SLC18B1: variants seen among roughly 807,000 people sequenced by gnomAD.
SLC18B1 encodes solute carrier family 18 member B1, also known as MFS-type transporter SLC18B1.
Under a neutral mutation model 53.9 loss-of-function variants are expected in SLC18B1, and 62 were observed. The observed-to-expected ratio is 1.15, with a 90% CI of 0.94 to 1.42. The LOEUF is 1.42. SLC18B1 is among the 40% of genes most tolerant of loss of function. SLC18B1 has a pLI of 0.00. For synonymous variants in SLC18B1, 217 were observed against 200.9 expected (o/e 1.08, Z -0.68); for missense variants, 598 against 547.3 (o/e 1.09, Z -0.93).
chr6:132,792,232 A>AAAGAAAGAAAGGAAGAAAGG, intron 2 of SLC18B1, among the ~76,000 whole-genome samples: 2 of 2,184 alleles, frequency 9.2e-4, no homozygotes, highest in African/African-American at 5.0e-3. Context: ...TGTCAGAAAG[A>AAAGAAAGAAAGGAAGAAAGG]AAGAAAGAAA....
intron 2 of SLC18B1, among the ~76,000 whole-genome samples, chr6:132,793,675 G>A (rs1336515179): frequency 6.6e-6 from 1 of 152,118 alleles, no homozygotes; most frequent in Non-Finnish European, 1.5e-5. Flanking sequence ...ACATCTAACA[G>A]GGTTGTGATT....
At position 132,798,548 on chromosome 6, in the gene SLC18B1, G is replaced by T; in HGVS notation, c.-92C>A. On this transcript the variant is annotated 5_prime_UTR_variant, in exon 1 of 14. Coordinates refer to ENST00000275227, the MANE Select transcript of SLC18B1 (RefSeq NM_052831.3). ...AGGAGCCACTGGCACTCTGGCGGGC[G>T]GCCGCTGCTCAGCTGGAACCTGGCA... The T allele has an allele frequency of 7.6e-7, 1 of 1,312,996 alleles. No homozygotes were observed. The highest frequency in any genetic ancestry group is 1.5e-5 in the African/African-American group (1 of 65,524). 81.3% of individuals were successfully genotyped at this position (1,312,996 alleles called of 1,614,324 possible).
chr6:132,798,491 G>A lies in SLC18B1; in HGVS notation c.-35C>T. 2 of 1,469,336 alleles carry A rather than the reference G, an allele frequency of 1.4e-6. No homozygotes were observed. Among genetic ancestry groups the A allele is most frequent in the Non-Finnish European group, 9.0e-7 (1 of 1,105,658 alleles). 91.0% of individuals were successfully genotyped at this position (1,469,336 alleles called of 1,614,324 possible). A position where few individuals can be genotyped will look rare whatever the true frequency, so the allele number is the denominator to read the frequency against. ...GTGGACTCCGGCGCCCCAGCTCCCG[G>A]CTTCAAGCCACGTCCTTGGACTCGA... On this transcript the variant is annotated 5_prime_UTR_variant, in exon 1 of 14. Transcript: ENST00000275227.
chr6:132,771,496 G>A (rs1410016682), intron 11 of SLC18B1, among the ~76,000 whole-genome samples: 1 of 150,802 alleles, frequency 6.6e-6, no homozygotes, highest in Non-Finnish European at 1.5e-5. Context: ...TCTGGTAGAA[G>A]GTAAAAAATA....
At chr6:132,773,291 T>TG (rs140532276) in intron 9 of SLC18B1, among the ~76,000 whole-genome samples, 17 of 27,270 alleles carry the variant, frequency 6.2e-4, no homozygotes, top group East Asian at 1.8e-3. Context: ...GGCGGGGGGG[T>TG]GGGGGGGAAT....
rs999471128 is a variant in SLC18B1, at chr6:132,771,055, C to G, written c.1235G>C (p.Gly412Ala). 9 of 1,613,990 alleles carry G rather than the reference C, an allele frequency of 5.6e-6. No homozygotes were observed. The African/African-American group carries it at 6.7e-5, about 12-fold the overall frequency. ...IGFEWAAAIQ[G>A]LWALISGLAM... ...ACTCACACTTATCAGAGCCCATAGA[C>G]CTTGTATAGCTGCTGCCCATTCAAA... Residue 412 changes from glycine (G) to alanine (A), a missense_variant, in exon 12 of 14, where the codon GGT becomes GCT. Coordinates refer to ENST00000275227, the MANE Select transcript of SLC18B1 (RefSeq NM_052831.3).
At chr6:132,783,159 T>A (rs1218541281) in intron 6 of SLC18B1, among the ~76,000 whole-genome samples, 2 of 151,704 alleles carry the variant, frequency 1.3e-5, no homozygotes, top group Admixed American at 1.3e-4. Flanking sequence ...TCCTAGAGAT[T>A]TTTTTTTAAA....
At chr6:132,787,014 G>A (rs1455350761) in intron 5 of SLC18B1, among the ~76,000 whole-genome samples, 1 of 152,166 alleles carries the variant, frequency 6.6e-6, no homozygotes, top group Non-Finnish European at 1.5e-5. Context: ...GCATAAATCT[G>A]GGGAAAGTGG....
At position 132,789,792 on chromosome 6, in the gene SLC18B1, CA is replaced by C; in HGVS notation, c.324del (p.Phe108LeufsTer28). ...GAKFMFVAGM[F>X]VSGGVTILFG... Reference sequence around the variant, plus strand: ...AAGAGAATTGTAACTCCTCCTGAGACAAACATTCCTGCTACAAACATAAATT... The same window carrying C: ...AAGAGAATTGTAACTCCTCCTGAGACAACATTCCTGCTACAAACATAAATT... On this transcript the variant is annotated frameshift_variant, in exon 4 of 14. Transcript: ENST00000275227. LOFTEE classifies it high-confidence loss of function. 1 of 1,613,480 alleles carries C rather than the reference CA, an allele frequency of 6.2e-7. No individual in the cohort carries two copies. The highest frequency in any genetic ancestry group is 8.5e-7 in the Non-Finnish European group (1 of 1,179,516).
At chr6:132,793,588 C>T (rs981869627) in intron 2 of SLC18B1, among the ~76,000 whole-genome samples, 2 of 152,184 alleles carry the variant, frequency 1.3e-5, no homozygotes, top group Non-Finnish European at 2.9e-5. Flanking sequence ...CACATGGTCC[C>T]CCACATCTCT....
chr6:132,798,574 TC>T lies in SLC18B1; in HGVS notation c.-119del. 9.6e-7 allele frequency: 1 copy of T among 1,038,504 alleles called. No individual in the cohort carries two copies. The highest frequency in any genetic ancestry group is 1.3e-6 in the Non-Finnish European group (1 of 777,864). The allele number at this position is 1,038,504 out of a possible 1,614,324, so 64.3% of individuals were successfully genotyped here. ...GCCGCTGCTCAGCTGGAACCTGGCATCCCCGACTCCCTGCAGGCAGCGATCC... is the reference window on the plus strand; with the variant it reads ...GCCGCTGCTCAGCTGGAACCTGGCATCCCGACTCCCTGCAGGCAGCGATCC... On this transcript the variant is annotated 5_prime_UTR_variant, in exon 1 of 14. Transcript: ENST00000275227.
chr6:132,776,167 T>C (rs1039624095), intron 8 of SLC18B1, among the ~76,000 whole-genome samples, 161 bp downstream of exon 8: 4 of 152,200 alleles, frequency 2.6e-5, no homozygotes, highest in Non-Finnish European at 4.4e-5. Flanking sequence ...CTTAGTGTGA[T>C]AGCTGACCCT....
intron 1 of SLC18B1, 32 bp from the exon 2 acceptor site, chr6:132,797,153 T>C (rs1185758383): frequency 1.1e-5 from 17 of 1,610,864 alleles, no homozygotes; most frequent in Non-Finnish European, 1.4e-5. Flanking sequence ...ATTAGGCATA[T>C]AATTGAGACT....
intron 11 of SLC18B1, among the ~76,000 whole-genome samples, chr6:132,771,476 T>C (rs1002507846): frequency 2.0e-5 from 3 of 152,212 alleles, no homozygotes; most frequent in Non-Finnish European, 4.4e-5. Flanking sequence ...ATTGTTAGCA[T>C]AGTTACCCTT....
At chr6:132,784,112 A>G (rs1781310075) in intron 5 of SLC18B1, 23 bp from the exon 6 acceptor site, 2 of 1,525,116 alleles carry the variant, frequency 1.3e-6, no homozygotes, top group Admixed American at 4.7e-5. Context: ...AAAAGAAAAA[A>G]TCAGTTTAAA....
At chr6:132,796,840 C>A (rs1309848417) in intron 2 of SLC18B1, 142 bp downstream of exon 2, 7 of 795,582 alleles carry the variant, frequency 8.8e-6, no homozygotes, top group Non-Finnish European at 1.2e-5. Flanking sequence ...AAGAAGTATT[C>A]TATTGGCTGG....
Position 132,787,488 on chromosome 6 carries a change from A to G in SLC18B1, c.447T>C (p.Thr149=). ...CCTTTGCCAGGATAGAAGAAGATGC[A>G]GTCATTGCTGCAGCAAAGCTAACTG... is the stretch of plus-strand genomic sequence containing the variant. The part of the protein sequence containing the change: ...MDAVSFAAAM[T]ASSSILAKAF... The change falls in exon 5 of 14, where the codon ACT becomes ACC. Residue 149 remains threonine (T), a synonymous_variant. Coordinates refer to ENST00000275227, the MANE Select transcript of SLC18B1 (RefSeq NM_052831.3). 1 of 1,608,646 alleles carries G rather than the reference A, an allele frequency of 6.2e-7. No individual in the cohort carries two copies. The highest frequency in any genetic ancestry group is 1.7e-5 in the Admixed American group (1 of 58,892).
chr6:132,783,297 C>T (rs1313153876), intron 6 of SLC18B1, among the ~76,000 whole-genome samples: 1 of 152,074 alleles, frequency 6.6e-6, no homozygotes, highest in African/African-American at 2.4e-5. Flanking sequence ...ATGCCTCAGC[C>T]TTCTGAGTAG....
Position 132,796,990 on chromosome 6 carries a change from G to C in SLC18B1, c.175C>G (p.Pro59Ala). 6.2e-7 allele frequency: 1 copy of C among 1,612,558 alleles called. No individual in the cohort carries two copies. ...MCYSILGPFF[P>A]KEAEKKGASN... ...ATTTAAAAATGTCTTACCTCTTTGG[G>C]GAAAAACGGTCCAAGTATAGAATAG... The change falls in exon 2 of 14, where the codon CCC becomes GCC. Residue 59 changes from proline to alanine, a missense_variant. Transcript: ENST00000275227.
Sources: allele counts gnomAD v4.1 joint callset (sites outside exome capture counted in the v4.1 genomes callset), GRCh38; gene constraint gnomAD v4.1.1; transcripts MANE v1.5; gene names NCBI Gene and HGNC (gene_info 2026-07-23, HGNC 2026-07-21).